Variants in LRP6 observed in about 807,000 individuals in gnomAD.
The protein encoded by LRP6 is LDL receptor related protein 6.
LRP6 carries 43 observed loss-of-function variants against 184.1 expected under a neutral mutation model. The observed-to-expected ratio is 0.23, with a 90% confidence interval of 0.18 to 0.30. The LOEUF (loss-of-function observed/expected upper bound fraction) is 0.30, where lower values mean the gene tolerates loss of function less well. Among genes scored for constraint, LRP6 ranks in the 10% least tolerant of loss-of-function variants. The pLI, the probability that LRP6 is intolerant of heterozygous loss-of-function variation, is 1.00. For missense variants in LRP6, 1,571 were observed against 2,005.3 expected (o/e 0.78, Z 4.14); for synonymous variants, 719 against 684.9 (o/e 1.05, Z -0.78).
chr12:12,226,833 A>G (rs1378379611), intron 2 of LRP6: 2 of 152,154 alleles, frequency 1.3e-5, no homozygotes, highest in Admixed American at 1.3e-4. Context: ...TACAAAAGGT[A>G]CAACATACAC....
rs1405324993 is a variant in LRP6 at position 12,121,338 on chromosome 12, T to C, written c.4630A>G (p.Ser1544Gly). 6.2e-7 allele frequency: 1 copy of C among 1,614,148 alleles called. No homozygotes were observed. Residue 1544 changes from serine (S) to glycine (G), a missense_variant, in exon 23 of 23, where the codon AGT becomes GGT. By Grantham distance (56) the Ser-to-Gly change is moderately conservative (BLOSUM62 0). This residue lies in a region of LRP6 where 763 missense variants were observed against 859.5 expected (regional missense o/e 0.89). Coordinates refer to ENST00000261349, the MANE Select transcript of LRP6 (RefSeq NM_002336.3). The part of the protein sequence containing the change: ...TDVCDSDYAP[S>G]RRMTSVATAK... ...GTTGCCACTGAGGTCATTCTCCGAC[T>C]AGGAGCATAGTCACTGTCACAAACA...
intron 14 of LRP6, among the ~76,000 whole-genome samples, chr12:12,147,862 C>T (rs1288155003): frequency 6.6e-6 from 1 of 151,870 alleles, no homozygotes; most frequent in Non-Finnish European, 1.5e-5. Context: ...GTAGTCCCAG[C>T]TACTTGGAAG....
chr12:12,252,673 T>C (rs984541011), intron 1 of LRP6, among the ~76,000 whole-genome samples: 2 of 152,198 alleles, frequency 1.3e-5, no homozygotes, highest in African/African-American at 4.8e-5. Context: ...AACTTGGTCA[T>C]AATTTGGCTT....
chr12:12,224,830 C>A (rs1864575086), intron 2 of LRP6, among the ~76,000 whole-genome samples: 1 of 152,192 alleles, frequency 6.6e-6, no homozygotes, highest in Non-Finnish European at 1.5e-5. Flanking sequence ...TACCAACACA[C>A]AGGGAACTAG....
chr12:12,147,838 G>A (rs1237616514), intron 14 of LRP6, among the ~76,000 whole-genome samples: 1 of 151,904 alleles, frequency 6.6e-6, no homozygotes, highest in African/African-American at 2.4e-5. Flanking sequence ...AGCCAGGCAT[G>A]GTGGCGTGTG....
intron 9 of LRP6, among the ~76,000 whole-genome samples, chr12:12,163,621 A>C (rs920556491): frequency 6.6e-6 from 1 of 152,198 alleles, no homozygotes; most frequent in Non-Finnish European, 1.5e-5. Context: ...ATTTTGTTTA[A>C]AGTAAATCAC....
chr12:12,180,926 T>C (rs1863329003), intron 6 of LRP6, 117 bp downstream of exon 6: 2 of 1,075,550 alleles, frequency 1.9e-6, no homozygotes, highest in African/African-American at 1.6e-5. Context: ...TAGACAGCCA[T>C]TAAAGAGCTG....
intron 1 of LRP6, chr12:12,249,299 C>A (rs1865264629): frequency 8.8e-7 from 1 of 1,132,128 alleles, no homozygotes; most frequent in Non-Finnish European, 1.3e-6. Context: ...GACCCAAGAG[C>A]CATATCAGTG....
chr12:12,163,570 T>A (rs189648109), intron 9 of LRP6, among the ~76,000 whole-genome samples: 81 of 152,342 alleles, frequency 5.3e-4, no homozygotes, highest in African/African-American at 1.9e-3. Context: ...AAATAAAGAA[T>A]AACTCATTGT....
chr12:12,233,421 T>C (rs576583992), intron 2 of LRP6, among the ~76,000 whole-genome samples: 1 of 152,240 alleles, frequency 6.6e-6, no homozygotes, highest in East Asian at 1.9e-4. Flanking sequence ...TGAGCCAAGA[T>C]CATGCCACTG....
In LRP6 at chr12:12,181,434, T is replaced by C. The variant is rs963383494; in HGVS notation, c.982A>G (p.Thr328Ala). The part of the protein sequence containing the change: ...ENGKTCKDGA[T>A]ELLLLARRTD... Reference sequence around the variant, plus strand: ...CTTCGAGCTAAAAGCAATAATTCTGTGGCACCTAGAACAACAAAGTGAAAT... The same window carrying C: ...CTTCGAGCTAAAAGCAATAATTCTGCGGCACCTAGAACAACAAAGTGAAAT... Residue 328 changes from threonine (T) to alanine (A), a missense_variant, in exon 6 of 23, where the codon ACA becomes GCA. Physicochemically the swap from Thr to Ala is moderately conservative, Grantham distance 58. This residue lies in a region of LRP6 where 640 missense variants were observed against 851.9 expected (regional missense o/e 0.75). Transcript: ENST00000261349. 3 of 1,192,816 alleles carry C rather than the reference T, an allele frequency of 2.5e-6. No homozygotes were observed. The highest frequency in any genetic ancestry group is 3.8e-6 in the Non-Finnish European group (3 of 798,482). 73.9% of individuals were successfully genotyped at this position (1,192,816 alleles called of 1,614,324 possible).
chr12:12,178,324 A>G (rs1473367938), intron 7 of LRP6, among the ~76,000 whole-genome samples: 1 of 152,180 alleles, frequency 6.6e-6, no homozygotes, highest in Non-Finnish European at 1.5e-5. Flanking sequence ...ATTCCCAGTA[A>G]GAAACAAATG....
chr12:12,125,650 A>G (rs1296032360), intron 20 of LRP6, among the ~76,000 whole-genome samples: 1 of 152,172 alleles, frequency 6.6e-6, no homozygotes, highest in Non-Finnish European at 1.5e-5. Context: ...GCCTAGAACA[A>G]GGCCAAGAAT....
At chr12:12,169,012 T>C (rs900835516) in intron 7 of LRP6, among the ~76,000 whole-genome samples, 7 of 152,148 alleles carry the variant, frequency 4.6e-5, no homozygotes, top group Admixed American at 1.3e-4. Context: ...GAGGACCATT[T>C]GAGGTCAGGA....
intron 3 of LRP6, among the ~76,000 whole-genome samples, chr12:12,194,951 T>C (rs1036263616): frequency 6.6e-6 from 1 of 152,100 alleles, no homozygotes; most frequent in Non-Finnish European, 1.5e-5. Flanking sequence ...AGAACATGCA[T>C]GGTTTAATTT....
chr12:12,170,791 T>TCACACACACA (rs10571241), intron 7 of LRP6, among the ~76,000 whole-genome samples: 3 of 142,794 alleles, frequency 2.1e-5, no homozygotes, highest in Non-Finnish European at 4.6e-5. Flanking sequence ...TAAAATTACT[T>TCACACACACA]CACACACACA....
Position 12,125,401 on chromosome 12 carries a change from G to T in LRP6, c.4344C>A (p.Ser1448=). The change falls in exon 21 of 23, where the codon TCC becomes TCA. Residue 1448 remains serine (S), a synonymous_variant. Transcript: ENST00000261349. The stretch of plus-strand genomic sequence containing the variant: ...CACTGCTTCCCCCCATGATACTGAG[G>T]GAGCTGATCATTGATTTACCTCGAG... The part of the protein sequence containing the change: ...GMSRGKSMIS[S]LSIMGGSSGP... 6.2e-7 allele frequency: 1 copy of T among 1,613,896 alleles called. No homozygotes were observed. Among genetic ancestry groups the T allele is most frequent in the South Asian group, 1.1e-5 (1 of 91,052 alleles).
rs1414246768 is a variant in LRP6, at chr12:12,220,920, CA to C, written c.450-17521del. On this transcript the variant is annotated intron_variant, in intron 2 of 22. Coordinates refer to ENST00000261349, the MANE Select transcript of LRP6 (RefSeq NM_002336.3). ...CAGCCTAACACATATTCTTAGATCA[CA>C]ACGGCATCCCAAAGCATCACTTTAA... 5.3e-5 allele frequency among the ~76,000 whole-genome samples: 8 copies of C among 152,268 alleles called. No homozygotes were observed. The East Asian group carries it at 1.5e-3, about 29-fold the overall frequency.
chr12:12,182,131 A>C (rs1029454275), intron 5 of LRP6, among the ~76,000 whole-genome samples: 4 of 152,210 alleles, frequency 2.6e-5, no homozygotes, highest in Admixed American at 6.5e-5. Flanking sequence ...ATTTGATTCA[A>C]GAAGCTACAC....
Sources: gnomAD v4.1 joint callset for allele counts (sites outside exome capture counted in the v4.1 genomes callset) on GRCh38, gnomAD v4.1.1 for gene constraint, gnomAD v4.1.1 regional missense constraint, MANE v1.5 for transcripts, NCBI Gene and HGNC (gene_info 2026-07-23, HGNC 2026-07-21) for gene names.